Variants in SPRTN observed in about 807,000 individuals in gnomAD.
SPRTN encodes the protein SprT-like N-terminal domain.
SPRTN carries 11 observed loss-of-function variants against 31.9 expected under a neutral mutation model. That is an observed-to-expected ratio of 0.34 (90% CI 0.22 to 0.57). SPRTN has a LOEUF of 0.57. SPRTN is among the 20% of genes least tolerant of loss of function. The pLI is 0.86. For missense variants in SPRTN, 482 were observed against 590.1 expected (o/e 0.82, Z 1.90); for synonymous variants, 185 against 212.1 (o/e 0.87, Z 1.11).
chr1:231,344,297 A>C (rs769315818), intron 2 of SPRTN, among the ~76,000 whole-genome samples: 4 of 152,314 alleles, frequency 2.6e-5, no homozygotes, highest in Admixed American at 2.0e-4. Flanking sequence ...GCTTGAGCCC[A>C]GGAGTTGACC....
At chr1:231,344,686 T>TA (rs1333839439) in intron 2 of SPRTN, 4 of 307,814 alleles carry the variant, frequency 1.3e-5, no homozygotes, top group Admixed American at 3.9e-5. Flanking sequence ...AATTGTTTTT[T>TA]AAAAAAATTA....
intron 2 of SPRTN, among the ~76,000 whole-genome samples, chr1:231,343,841 GAGATAGGAC>G (rs201145559): frequency 0.015 from 2,295 of 152,002 alleles, 57 homozygotes; most frequent in African/African-American, 0.053. Context: ...TTGACAAGCA[GAGATAGGAC>G]AGGAGGCTAC....
At chr1:231,348,611 C>T (rs1011964666) in intron 3 of SPRTN, among the ~76,000 whole-genome samples, 1 of 152,088 alleles carries the variant, frequency 6.6e-6, no homozygotes, top group Non-Finnish European at 1.5e-5. Context: ...TGCCTGTGTC[C>T]TGTCTCTTTA....
chr1:231,350,524 A>G (rs938589516), intron 3 of SPRTN, among the ~76,000 whole-genome samples: 1 of 151,916 alleles, frequency 6.6e-6, no homozygotes, highest in Admixed American at 6.6e-5. Flanking sequence ...GAGGGTGAAA[A>G]AGAAGGCATC....
intron 2 of SPRTN, among the ~76,000 whole-genome samples, chr1:231,346,587 T>C (rs1687071149): frequency 6.6e-6 from 1 of 152,182 alleles, no homozygotes; most frequent in Non-Finnish European, 1.5e-5. Context: ...TAGCCTGTGA[T>C]AAGAGTTATA....
chr1:231,339,587 G>T (rs890079113), intron 1 of SPRTN, 182 bp from the exon 2 acceptor site: 2 of 765,746 alleles, frequency 2.6e-6, no homozygotes, highest in South Asian at 2.9e-5. Flanking sequence ...GAGCCATCGC[G>T]GGAGGCGCCC....
At chr1:231,350,540 T>G (rs1341942871) in intron 3 of SPRTN, among the ~76,000 whole-genome samples, 1 of 152,056 alleles carries the variant, frequency 6.6e-6, no homozygotes, top group Non-Finnish European at 1.5e-5. Context: ...GCATCCTACT[T>G]AAGGCCTGAA....
chr1:231,349,743 C>G, intron 3 of SPRTN, among the ~76,000 whole-genome samples: 1 of 152,184 alleles, frequency 6.6e-6, no homozygotes, highest in East Asian at 1.9e-4. Context: ...GGTGTGGTGG[C>G]TCACGCCTGT....
intron 1 of SPRTN, 27 bp from the exon 2 acceptor site, chr1:231,339,742 C>T (rs1686806928): frequency 6.2e-7 from 1 of 1,612,282 alleles, no homozygotes; most frequent in Non-Finnish European, 8.5e-7. Context: ...GCCAATGTAA[C>T]ACATTTTTAT....
At chr1:231,351,225 AAAAAG>A in intron 3 of SPRTN, 74 bp from the exon 4 acceptor site, 2 of 1,215,054 alleles carry the variant, frequency 1.6e-6, no homozygotes, top group South Asian at 3.6e-5. Flanking sequence ...AAAAAAAAAA[AAAAAG>A]ACTGCTTATG....
Position 231,352,605 on chromosome 1 carries a change from G to A in SPRTN, c.719-5G>A, listed in dbSNP as rs781013347. 1 of 1,549,540 alleles carries A rather than the reference G, an allele frequency of 6.5e-7. No homozygotes were observed. The highest frequency in any genetic ancestry group is 2.2e-5 in the Admixed American group (1 of 45,948). The stretch of plus-strand genomic sequence containing the variant: ...ACATAACAATCTTCTTTGCTTTTTT[G>A]GCAGATAAACCCAACAGAGGTGAGG... On this transcript the variant is annotated splice_polypyrimidine_tract_variant and splice_region_variant and intron_variant, in intron 4 of 4. Transcript: ENST00000295050.
intron 2 of SPRTN, 180 bp downstream of exon 2, chr1:231,340,048 AAAAAAAAAAAAAAC>A: frequency 6.2e-6 from 1 of 160,756 alleles, no homozygotes; most frequent in Non-Finnish European, 1.1e-5. Context: ...GCTTCATAGT[AAAAAAAAAAAAAAC>A]AAAAAAAAGG....
In SPRTN at chr1:231,354,958, G is replaced by T. The variant is rs1687348516; in HGVS notation, c.*1597G>T. ...AGCCCTTTTCGTTTTAGACTGGTTGGCTGTTCACAAATTTTGATATTCCTT... is the reference window on the plus strand; with the variant it reads ...AGCCCTTTTCGTTTTAGACTGGTTGTCTGTTCACAAATTTTGATATTCCTT... On this transcript the variant is annotated 3_prime_UTR_variant, in exon 5 of 5. Coordinates refer to ENST00000295050, the MANE Select transcript of SPRTN (RefSeq NM_032018.7). The T allele has an allele frequency of 1.1e-6, 1 of 937,828 alleles. No homozygotes were observed. The highest frequency in any genetic ancestry group is 6.2e-5 in the Admixed American group (1 of 16,204). The allele number at this position is 937,828 out of a possible 1,614,324, so 58.1% of individuals were successfully genotyped here.
Position 231,352,699 on chromosome 1 carries a change from G to A in SPRTN, c.808G>A (p.Gly270Arg), listed in dbSNP as rs746030562. 2.5e-6 allele frequency: 4 copies of A among 1,613,800 alleles called. No homozygotes were observed. Among genetic ancestry groups the A allele is most frequent in the Non-Finnish European group, 3.4e-6 (4 of 1,179,936 alleles). ...LGETSNLPSP[G>R]KLITSHAINK... ...AGAAACAAGCAATTTACCTTCACCT[G>A]GGAAACTGATCACTTCACATGCCAT... The change falls in exon 5 of 5, where the codon GGG becomes AGG. Residue 270 changes from glycine (G) to arginine (R), a missense_variant. By Grantham distance (125) the Gly-to-Arg change is moderately radical (BLOSUM62 -2). This residue lies in a region of SPRTN where 325 missense variants were observed against 350.2 expected (regional missense o/e 0.93). Transcript: ENST00000295050.
chr1:231,339,830 C>G lies in SPRTN; in HGVS notation c.283C>G (p.Pro95Ala). ...AATGTGTTCCATCCGTCTCAGCGAACCCCTTTTGAAGTTGAGGCCAAGAAA... is the reference window on the plus strand; with the variant it reads ...AATGTGTTCCATCCGTCTCAGCGAAGCCCTTTTGAAGTTGAGGCCAAGAAA... ...GGMCSIRLSEPLLKLRPRKDL... is the reference protein window; with the variant it reads ...GGMCSIRLSEALLKLRPRKDL... Residue 95 changes from proline (P) to alanine (A), a missense_variant, in exon 2 of 5, where the codon CCC (proline) becomes GCC (alanine). Coordinates refer to ENST00000295050, the MANE Select transcript of SPRTN (RefSeq NM_032018.7). The G allele has an allele frequency of 6.2e-7, 1 of 1,614,094 alleles. No individual in the cohort carries two copies. The highest frequency in any genetic ancestry group is 8.5e-7 in the Non-Finnish European group (1 of 1,179,994).
At chr1:231,350,641 T>C (rs1687195005) in intron 3 of SPRTN, among the ~76,000 whole-genome samples, 1 of 152,132 alleles carries the variant, frequency 6.6e-6, no homozygotes, top group African/African-American at 2.4e-5. Context: ...TATTAGCCAC[T>C]AGGGACACAA....
Position 231,351,415 on chromosome 1 carries a change from A to G in SPRTN, c.562A>G (p.Asn188Asp), listed in dbSNP as rs979480444. The G allele has an allele frequency of 6.2e-7, 1 of 1,614,144 alleles. No homozygotes were observed. The highest frequency in any genetic ancestry group is 8.5e-7 in the Non-Finnish European group (1 of 1,180,032). The change falls in exon 4 of 5, where the codon AAC becomes GAC. Residue 188 changes from asparagine (N) to aspartate (D), a missense_variant. Physicochemically the swap from Asn to Asp is conservative, Grantham distance 23 (BLOSUM62 1). Coordinates refer to ENST00000295050, the MANE Select transcript of SPRTN (RefSeq NM_032018.7). The stretch of plus-strand genomic sequence containing the variant: ...TTACGGCTATGTCAAACGAGCTACT[A>G]ACAGGGAACCCTCTGCTCATGACTA... ...PYYGYVKRAT[N>D]REPSAHDYWW...
intron 2 of SPRTN, among the ~76,000 whole-genome samples, chr1:231,346,120 A>G (rs1336099393): frequency 1.3e-5 from 2 of 150,030 alleles, no homozygotes; most frequent in Admixed American, 1.3e-4. Flanking sequence ...TGACCATCCT[A>G]GTGTAGTATT....
At chr1:231,339,979 C>T in intron 2 of SPRTN, 111 bp downstream of exon 2, 1 of 944,522 alleles carries the variant, frequency 1.1e-6, no homozygotes, top group Non-Finnish European at 1.7e-6. Context: ...TCACTTTGCC[C>T]TCAGTGAAAG....
Sources: allele counts gnomAD v4.1 joint callset (sites outside exome capture counted in the v4.1 genomes callset), GRCh38; gene constraint gnomAD v4.1.1; regional missense constraint gnomAD v4.1.1; transcripts MANE v1.5; gene names NCBI Gene and HGNC (gene_info 2026-07-23, HGNC 2026-07-21).